The following NKTR variants were observed in gnomAD, a reference collection of about 807,000 sequenced individuals.
NKTR encodes natural killer cell triggering receptor.
NKTR carries 67 observed loss-of-function variants against 156.3 expected under a neutral mutation model. The ratio of observed to expected loss-of-function variants is 0.43; its 90% CI spans 0.35 to 0.53. The LOEUF is 0.53. Ranked by LOEUF, NKTR falls within the 20% of genes least tolerant of loss-of-function variation. The pLI is 0.01. For synonymous variants in NKTR, 640 were observed against 596.6 expected (o/e 1.07, Z -1.06); for missense variants, 1,604 against 1,730.9 (o/e 0.93, Z 1.30).
At chr3:42,620,433 A>G in intron 5 of NKTR, 1 of 999,900 alleles carries the variant, frequency 1.0e-6, no homozygotes, top group South Asian at 4.6e-5. Context: ...TAGAAAAGTC[A>G]GTTGCAGAGA....
chr3:42,642,438 A>C, intron 13 of NKTR, 63 bp from the exon 14 acceptor site: 3 of 1,271,068 alleles, frequency 2.4e-6, no homozygotes, highest in Admixed American at 1.7e-5. Flanking sequence ...CCTACCAGTA[A>C]TTAATTTTAA....
intron 5 of NKTR, chr3:42,620,757 T>TA: frequency 1.0e-6 from 1 of 984,700 alleles, no homozygotes. Flanking sequence ...CTGGTTCTGT[T>TA]ATGTAGCAAT....
chr3:42,643,473 T>A, intron 15 of NKTR, 78 bp downstream of exon 15: 1 of 1,185,008 alleles, frequency 8.4e-7, no homozygotes, highest in Non-Finnish European at 1.3e-6. Flanking sequence ...TTCAAAGTGG[T>A]ATTTTATTGA....
intron 2 of NKTR, among the ~76,000 whole-genome samples, chr3:42,607,291 CAGA>C (rs1223199051): frequency 2.6e-5 from 4 of 152,182 alleles, no homozygotes; most frequent in Admixed American, 1.3e-4. Context: ...TTGATGGAAT[CAGA>C]AGAATCATCA....
intron 2 of NKTR, among the ~76,000 whole-genome samples, chr3:42,614,865 T>G (rs545120277): frequency 1.1e-3 from 163 of 152,302 alleles, no homozygotes; most frequent in Non-Finnish European, 1.9e-3. Flanking sequence ...TTTAAAATTA[T>G]TTTTCTTATG....
In NKTR at chr3:42,639,158, C is replaced by T. The variant is rs765846282; in HGVS notation, c.3454C>T (p.Arg1152Trp). 15 of 1,613,990 alleles carry T rather than the reference C, an allele frequency of 9.3e-6. No individual in the cohort carries two copies. The highest frequency in any genetic ancestry group is 1.3e-5 in the African/African-American group (1 of 74,910). ...VEETSPLGNA[R>W]LDTPDINIVL... Reference sequence around the variant, plus strand: ...GGAGACTTCCCCTCTAGGAAATGCACGGCTTGATACCCCAGATATAAACAT... The same window carrying T: ...GGAGACTTCCCCTCTAGGAAATGCATGGCTTGATACCCCAGATATAAACAT... Residue 1152 changes from arginine to tryptophan, a missense_variant, in exon 13 of 17, where the codon CGG (arginine) becomes TGG (tryptophan). Arg to Trp is a moderately radical substitution (Grantham distance 101, BLOSUM62 -3). Transcript: ENST00000232978.
intron 8 of NKTR, among the ~76,000 whole-genome samples, chr3:42,631,915 C>G (rs1293941656): frequency 6.6e-6 from 1 of 152,136 alleles, no homozygotes; most frequent in Non-Finnish European, 1.5e-5. Flanking sequence ...CTGGAACACC[C>G]TTTGTTAAGA....
rs758798477 is a variant in NKTR at position 42,639,650 on chromosome 3, A to C, written c.3946A>C (p.Arg1316=). 1 of 1,614,096 alleles carries C rather than the reference A, an allele frequency of 6.2e-7. No homozygotes were observed. Among genetic ancestry groups the C allele is most frequent in the Non-Finnish European group, 8.5e-7 (1 of 1,179,932 alleles). The change falls in exon 13 of 17, where the codon AGA becomes CGA. Residue 1316 remains arginine (R), a synonymous_variant. Coordinates refer to ENST00000232978, the MANE Select transcript of NKTR (RefSeq NM_005385.4). ...DDDSQSRSPS[R]SRSKSETKSR... ...TGATAGCCAGTCCAGGAGTCCAAGTAGATCTCGAAGTAAATCTGAAACCAA... is the reference window on the plus strand; with the variant it reads ...TGATAGCCAGTCCAGGAGTCCAAGTCGATCTCGAAGTAAATCTGAAACCAA...
rs1710444239 is a variant in NKTR, at chr3:42,647,690, T to C, written c.*1715T>C. 1.3e-5 allele frequency: 2 copies of C among 152,278 alleles called. No individual in the cohort carries two copies. Among genetic ancestry groups the C allele is most frequent in the South Asian group, 4.1e-4 (2 of 4,824 alleles). The allele number at this position is 152,278 out of a possible 1,614,324, so 9.4% of individuals were successfully genotyped here. On this transcript the variant is annotated 3_prime_UTR_variant, in exon 17 of 17. Coordinates refer to ENST00000232978, the MANE Select transcript of NKTR (RefSeq NM_005385.4). The stretch of plus-strand genomic sequence containing the variant: ...ATTTATATTAAAGGTTTCCAAAGGT[T>C]GCCTGCAAAGGAGAATATTACTACT...
chr3:42,608,557 T>C (rs76181987), intron 2 of NKTR, among the ~76,000 whole-genome samples: 1 of 152,162 alleles, frequency 6.6e-6, no homozygotes, highest in African/African-American at 2.4e-5. Context: ...CCCTGCCATT[T>C]AGGGGGTTTT....
intron 6 of NKTR, among the ~76,000 whole-genome samples, chr3:42,623,045 A>G (rs1708053695): frequency 6.6e-6 from 1 of 152,026 alleles, no homozygotes; most frequent in Non-Finnish European, 1.5e-5. Flanking sequence ...TAAAAATGCT[A>G]TCGTTAAACA....
At position 42,611,668 on chromosome 3, in the gene NKTR, G is replaced by C. The variant is rs554355074; in HGVS notation, c.59-5902G>C. 3.3e-5 allele frequency among the ~76,000 whole-genome samples: 5 copies of C among 150,130 alleles called. No homozygotes were observed. In the South Asian group the frequency reaches 1.0e-3, roughly 32 times the overall value. ...GAATTGCTTGAACCCAGGAGGCGGAGATTGCAGTGAGCCAAGATCGTGCCA... is the reference window on the plus strand; with the variant it reads ...GAATTGCTTGAACCCAGGAGGCGGACATTGCAGTGAGCCAAGATCGTGCCA... On this transcript the variant is annotated intron_variant, in intron 2 of 16. Coordinates refer to ENST00000232978, the MANE Select transcript of NKTR (RefSeq NM_005385.4).
In NKTR at chr3:42,601,390, C is replaced by T. The variant is rs574045433; in HGVS notation, c.58+326C>T. The T allele has an allele frequency of 3.2e-5, 7 of 217,834 alleles. No individual in the cohort carries two copies. In the South Asian group the frequency reaches 1.1e-3, roughly 33 times the overall value. 13.5% of individuals were successfully genotyped at this position (217,834 alleles called of 1,614,324 possible). A position where few individuals can be genotyped will look rare whatever the true frequency, so the allele number is the denominator to read the frequency against. On this transcript the variant is annotated intron_variant, in intron 2 of 16. Coordinates refer to ENST00000232978, the MANE Select transcript of NKTR (RefSeq NM_005385.4). ...CCAGTGTCTCCGTGAGGCAGACACT[C>T]CCGATCCGATTTCCGGTTATCTTGC...
At position 42,638,830 on chromosome 3, in the gene NKTR, A is replaced by G; in HGVS notation, c.3126A>G (p.Lys1042=). The change falls in exon 13 of 17, where the codon AAA becomes AAG. Residue 1042 remains lysine (K), a synonymous_variant. Coordinates refer to ENST00000232978, the MANE Select transcript of NKTR (RefSeq NM_005385.4). ...AAGTTACTCAGGAATCAAAAGAGAA[A>G]AAAGTTTCTGAAAACAATGAAACCA... ...DKQVTQESKE[K]KVSENNETIK... The G allele has an allele frequency of 6.2e-7, 1 of 1,602,502 alleles. No homozygotes were observed. The highest frequency in any genetic ancestry group is 8.5e-7 in the Non-Finnish European group (1 of 1,177,184).
intron 2 of NKTR, among the ~76,000 whole-genome samples, chr3:42,611,459 G>T (rs1030073978): frequency 6.6e-6 from 1 of 151,926 alleles, no homozygotes; most frequent in East Asian, 1.9e-4. Flanking sequence ...TAAACCCTTG[G>T]CTGGGCATGG....
At chr3:42,621,357 A>T in intron 5 of NKTR, 72 bp from the exon 6 acceptor site, 1 of 1,532,510 alleles carries the variant, frequency 6.5e-7, no homozygotes, top group Non-Finnish European at 8.8e-7. Flanking sequence ...TTTGCTTTCT[A>T]TTTATTACTT....
At chr3:42,619,938 C>A in intron 5 of NKTR, 1 of 1,486,038 alleles carries the variant, frequency 6.7e-7, no homozygotes. Flanking sequence ...TGACTTTCAG[C>A]ATGGAGGTTA....
intron 2 of NKTR, among the ~76,000 whole-genome samples, chr3:42,604,026 G>A (rs1480187627): frequency 6.6e-6 from 1 of 152,072 alleles, no homozygotes; most frequent in Non-Finnish European, 1.5e-5. Flanking sequence ...TGTGAGCCAC[G>A]GTGCCTAGCC....
At chr3:42,614,176 T>A (rs1479021268) in intron 2 of NKTR, among the ~76,000 whole-genome samples, 2 of 152,170 alleles carry the variant, frequency 1.3e-5, no homozygotes, top group Non-Finnish European at 2.9e-5. Context: ...TTCTTAGATA[T>A]TATTTATTTA....
Sources: gnomAD v4.1 joint callset for allele counts (sites outside exome capture counted in the v4.1 genomes callset) on GRCh38, gnomAD v4.1.1 for gene constraint, MANE v1.5 for transcripts, NCBI Gene and HGNC (gene_info 2026-07-23, HGNC 2026-07-21) for gene names.